Variants in APBA2 observed in about 807,000 individuals in gnomAD.
APBA2 encodes amyloid-beta A4 precursor protein-binding family A member 2.
A neutral mutation model predicts 75.0 loss-of-function variants in APBA2; 30 were observed. That is an observed-to-expected ratio of 0.40 (90% CI 0.30 to 0.54). The LOEUF (loss-of-function observed/expected upper bound fraction) is 0.54. Ranked by LOEUF, APBA2 falls within the 20% of genes least tolerant of loss-of-function variation. APBA2 has a pLI of 0.49. For missense variants in APBA2, 801 were observed against 1,016.1 expected, an observed-to-expected ratio of 0.79 and a Z score of 2.88; for synonymous variants, 444 against 409.6, an observed-to-expected ratio of 1.08 and a Z score of -1.01.
chr15:29,064,092 C>G (rs532137013), intron 4 of APBA2, among the ~76,000 whole-genome samples: 1 of 152,156 alleles, frequency 6.6e-6, no homozygotes, highest in Non-Finnish European at 1.5e-5. Flanking sequence ...AGCTGCACAG[C>G]CCCAAGGGCT....
chr15:29,075,538 AC>A (rs1422865241), intron 5 of APBA2, among the ~76,000 whole-genome samples: 1 of 152,216 alleles, frequency 6.6e-6, no homozygotes, highest in Non-Finnish European at 1.5e-5. Flanking sequence ...CCCTTTGGGA[AC>A]AAAAATCATC....
chr15:29,010,056 CAT>C (rs1235002673), intron 3 of APBA2, among the ~76,000 whole-genome samples: 1 of 152,208 alleles, frequency 6.6e-6, no homozygotes, highest in East Asian at 1.9e-4. Flanking sequence ...CATCCTTGCT[CAT>C]AACTGGTGGT....
At chr15:29,098,124 G>T (rs1034352766) in intron 8 of APBA2, among the ~76,000 whole-genome samples, 1 of 152,256 alleles carries the variant, frequency 6.6e-6, no homozygotes, top group South Asian at 2.1e-4. Flanking sequence ...GAGTGCAGGT[G>T]TCTCCTAGAC....
chr15:29,027,573 G>C (rs1255342619), intron 3 of APBA2, among the ~76,000 whole-genome samples: 1 of 151,342 alleles, frequency 6.6e-6, no homozygotes, highest in East Asian at 1.9e-4. Context: ...ATTAATTACT[G>C]TCTTAATTTT....
At position 29,114,003 on chromosome 15, in the gene APBA2, A is replaced by G. The variant is rs766483232; in HGVS notation, c.2165A>G (p.Asn722Ser). ...AHEKIVQALS[N>S]SVGEIHMKTM... ...GAGAAGATAGTCCAAGCTCTGTCCA[A>G]CTCGGTCGGAGAGGTAAGGAGGGAC... Residue 722 changes from asparagine to serine, a missense_variant, in exon 14 of 15, where the codon AAC becomes AGC. Physicochemically the swap from Asn to Ser is conservative, Grantham distance 46. Around this residue, in one of 2 missense-constraint regions of APBA2, gnomAD observed 367 missense variants for 544.5 expected, o/e 0.67. Coordinates refer to ENST00000683413, the MANE Select transcript of APBA2 (RefSeq NM_001353788.2). 7.2e-5 allele frequency: 116 copies of G among 1,613,784 alleles called. 1 individual carries two copies. The Admixed American group carries it at 1.9e-3, about 26-fold the overall frequency.
Position 29,098,506 on chromosome 15 carries a change from C to G in APBA2, c.1268C>G (p.Ala423Gly). ...CCTTCTTAGAATTCTGAGGGGGATG[C>G]CCAGACGCTGACGGAAGTGGACCTC... The part of the protein sequence containing the change: ...IKKKANSEGD[A>G]QTLTEVDLFI... Residue 423 changes from alanine (A) to glycine (G), a missense_variant, in exon 9 of 15, where the codon GCC (alanine) becomes GGC (glycine). Coordinates refer to ENST00000683413, the MANE Select transcript of APBA2 (RefSeq NM_001353788.2). 1.2e-6 allele frequency: 2 copies of G among 1,613,974 alleles called. No individual in the cohort carries two copies. The highest frequency in any genetic ancestry group is 2.7e-5 in the African/African-American group (2 of 75,042).
intron 1 of APBA2, among the ~76,000 whole-genome samples, chr15:28,917,113 G>T (rs2033719819): frequency 6.6e-6 from 1 of 152,178 alleles, no homozygotes; most frequent in Admixed American, 6.5e-5. Flanking sequence ...CCTGGGAGAA[G>T]CCAGGGACCC....
At chr15:28,897,699 G>C (rs1252577162) in intron 1 of APBA2, among the ~76,000 whole-genome samples, 1 of 150,598 alleles carries the variant, frequency 6.6e-6, no homozygotes. Flanking sequence ...ACCTCTGATT[G>C]TTGGTCAGAG....
chr15:28,889,210 G>T (rs189848343), intron 1 of APBA2, among the ~76,000 whole-genome samples: 1 of 152,114 alleles, frequency 6.6e-6, no homozygotes, highest in Admixed American at 6.5e-5. Flanking sequence ...GTCTTTTCTC[G>T]CCTCCCCTGA....
In APBA2 at chr15:29,075,950, T is replaced by G. The variant is rs539596840; in HGVS notation, c.1033-105T>G. 4.0e-4 allele frequency: 407 copies of G among 1,029,388 alleles called. 9 individuals are homozygous for G. The South Asian group carries it at 5.0e-3, about 13-fold the overall frequency. The allele number at this position is 1,029,388 out of a possible 1,614,324, so 63.8% of individuals were successfully genotyped here. A position where few individuals can be genotyped will look rare whatever the true frequency, so the allele number is the denominator to read the frequency against. On this transcript the variant is annotated intron_variant, in intron 5 of 14. Coordinates refer to ENST00000683413, the MANE Select transcript of APBA2 (RefSeq NM_001353788.2). ...AGAACACCATCACTCATGGGGGGTT[T>G]GCTTTTCTCATTATGGCTCATATCA... is the stretch of plus-strand genomic sequence containing the variant.
intron 1 of APBA2, among the ~76,000 whole-genome samples, chr15:28,912,411 G>C (rs760027497): frequency 1.5e-4 from 23 of 152,240 alleles, no homozygotes; most frequent in Non-Finnish European, 2.5e-4. Flanking sequence ...AATATGCAAG[G>C]GAGATGATCA....
At chr15:29,058,351 A>C (rs1222294561) in intron 4 of APBA2, among the ~76,000 whole-genome samples, 1 of 152,100 alleles carries the variant, frequency 6.6e-6, no homozygotes. Context: ...TCTCTGCTAA[A>C]AATATAAAAA....
At chr15:29,049,810 T>G (rs1479008368) in intron 3 of APBA2, among the ~76,000 whole-genome samples, 1 of 152,072 alleles carries the variant, frequency 6.6e-6, no homozygotes, top group Non-Finnish European at 1.5e-5. Context: ...TTTTGGAAGG[T>G]CAAATGGAGG....
chr15:29,108,027 C>T (rs938179233), intron 12 of APBA2, among the ~76,000 whole-genome samples: 2 of 152,182 alleles, frequency 1.3e-5, no homozygotes, highest in African/African-American at 2.4e-5. Flanking sequence ...GGCAGAGGCA[C>T]CCTGCGCATG....
At chr15:29,115,967 G>A (rs1199676785) in intron 14 of APBA2, among the ~76,000 whole-genome samples, 1 of 146,592 alleles carries the variant, frequency 6.8e-6, no homozygotes, top group Non-Finnish European at 1.5e-5. Context: ...GCAGTGCGAG[G>A]GCCCCCCATC....
At chr15:29,005,393 T>C (rs2039062318) in intron 3 of APBA2, among the ~76,000 whole-genome samples, 1 of 152,142 alleles carries the variant, frequency 6.6e-6, no homozygotes, top group Non-Finnish European at 1.5e-5. Flanking sequence ...CCCGAGTAGC[T>C]GGGACCTCAG....
rs548891837 is a variant in APBA2, at chr15:29,078,842, C to T, written c.1069+2751C>T. 3.9e-5 allele frequency among the ~76,000 whole-genome samples: 6 copies of T among 152,242 alleles called. No homozygotes were observed. In the South Asian group the frequency reaches 1.2e-3, roughly 32 times the overall value. On this transcript the variant is annotated intron_variant, in intron 6 of 14. Coordinates refer to ENST00000683413, the MANE Select transcript of APBA2 (RefSeq NM_001353788.2). ...AGTCCACACCAGCTGGACGTCCTCC[C>T]CTTGACATTAGGAAAGCAAAGGTTT... is the stretch of plus-strand genomic sequence containing the variant.
chr15:28,971,869 C>T (rs996479406), intron 2 of APBA2, among the ~76,000 whole-genome samples: 2 of 152,144 alleles, frequency 1.3e-5, no homozygotes, highest in Non-Finnish European at 2.9e-5. Flanking sequence ...AACCCAAGCA[C>T]ACCTAGCGTC....
chr15:29,018,544 A>G (rs1305926997), intron 3 of APBA2, among the ~76,000 whole-genome samples: 2 of 152,184 alleles, frequency 1.3e-5, no homozygotes, highest in Non-Finnish European at 2.9e-5. Context: ...GACAGGAAGC[A>G]TGGGAAGGGC....
Sources: gnomAD v4.1 joint callset for allele counts (sites outside exome capture counted in the v4.1 genomes callset) on GRCh38, gnomAD v4.1.1 for gene constraint, gnomAD v4.1.1 regional missense constraint, MANE v1.5 for transcripts, NCBI Gene and HGNC (gene_info 2026-07-23, HGNC 2026-07-21) for gene names.